ZNF326: variants seen among roughly 807,000 people sequenced by gnomAD.
The protein encoded by ZNF326 is zinc finger protein 326, also known as DBIRD complex subunit ZNF326.
Under a neutral mutation model 63.1 loss-of-function variants are expected in ZNF326, and 30 were observed. The ratio of observed to expected loss-of-function variants is 0.48; its 90% CI spans 0.36 to 0.64. ZNF326 has a LOEUF of 0.64. Ranked by LOEUF, ZNF326 falls within the 30% of genes least tolerant of loss-of-function variation. ZNF326 has a pLI of 0.00. For missense variants in ZNF326, 609 were observed against 720.3 expected, an observed-to-expected ratio of 0.85 and a Z score of 1.77; for synonymous variants, 194 against 228.2, an observed-to-expected ratio of 0.85 and a Z score of 1.35.
At position 90,033,450 on chromosome 1, in the gene ZNF326, T is replaced by C. The variant is rs944826705; in HGVS notation, c.*5749T>C. The C allele has an allele frequency of 7.2e-5, 11 of 152,340 alleles. No homozygotes were observed. Among genetic ancestry groups the C allele is most frequent in the African/African-American group, 2.6e-4 (11 of 41,588 alleles). The allele number at this position is 152,340 out of a possible 1,614,324, so 9.4% of individuals were successfully genotyped here. A position where few individuals can be genotyped will look rare whatever the true frequency, so the allele number is the denominator to read the frequency against. On this transcript the variant is annotated 3_prime_UTR_variant, in exon 12 of 12. Transcript: ENST00000340281. Reference sequence around the variant, plus strand: ...TATTATATGGAATAATAATTACTACTACTTATAATAGTTTCATATGTAATC... The same window carrying C: ...TATTATATGGAATAATAATTACTACCACTTATAATAGTTTCATATGTAATC...
In ZNF326 at chr1:90,020,932, TC is replaced by T; in HGVS notation, c.1305+11del. 6.2e-7 allele frequency: 1 copy of T among 1,610,974 alleles called. No individual in the cohort carries two copies. Among genetic ancestry groups the T allele is most frequent in the Non-Finnish European group, 8.5e-7 (1 of 1,178,616 alleles). Reference sequence around the variant, plus strand: ...TATCAAAGGGAAGCAGGTAAAATTTTCATCTGTCTTAATAAAGTTGCCAGAT... The same window carrying T: ...TATCAAAGGGAAGCAGGTAAAATTTTATCTGTCTTAATAAAGTTGCCAGAT... On this transcript the variant is annotated intron_variant, in intron 10 of 11. Coordinates refer to ENST00000340281, the MANE Select transcript of ZNF326 (RefSeq NM_182976.4).
intron 2 of ZNF326, 136 bp downstream of exon 2, chr1:89,998,290 A>G (rs1648502234): frequency 1.4e-6 from 1 of 718,444 alleles, no homozygotes; most frequent in Non-Finnish European, 2.2e-6. Context: ...CTTACTATAT[A>G]TAGTATTTGA....
In ZNF326 at chr1:89,996,739, G is replaced by GA. The variant is rs371387353; in HGVS notation, c.17-1359dup. 6.5e-3 allele frequency among the ~76,000 whole-genome samples: 806 copies of GA among 124,796 alleles called. 2 individuals carry two copies. Among genetic ancestry groups the GA allele is most frequent in the African/African-American group, 0.017 (560 of 33,840 alleles). The allele number at this position is 124,796 out of a possible 152,430, so 81.9% of individuals were successfully genotyped here. A position where few individuals can be genotyped will look rare whatever the true frequency, so the allele number is the denominator to read the frequency against. ...GGGCAACAAGAGCCAAACTTCGTCT[G>GA]AAAAAAAAAAAACAAAAAACCAACA... On this transcript the variant is annotated intron_variant, in intron 1 of 11. Transcript: ENST00000340281.
At chr1:89,995,469 C>T (rs1367195167) in intron 1 of ZNF326, among the ~76,000 whole-genome samples, 196 bp downstream of exon 1, 1 of 152,250 alleles carries the variant, frequency 6.6e-6, no homozygotes, top group East Asian at 1.9e-4. Context: ...GCTCGGCGCC[C>T]GCTGCCGGCG....
chr1:89,997,464 CCTGGATTCA>C (rs1287084961), intron 1 of ZNF326, among the ~76,000 whole-genome samples: 5 of 152,008 alleles, frequency 3.3e-5, no homozygotes, highest in Admixed American at 1.3e-4. Context: ...GCCTCTGCCT[CCTGGATTCA>C]AGTGATTCTT....
intron 1 of ZNF326, among the ~76,000 whole-genome samples, chr1:89,995,698 C>T (rs1264607791): frequency 6.6e-6 from 1 of 152,236 alleles, no homozygotes. Flanking sequence ...TCCTCAGCCT[C>T]GGGTTACTTC....
chr1:89,998,123 C>A lies in ZNF326; in HGVS notation c.30C>A (p.Ser10=). Residue 10 remains serine (S), a synonymous_variant, in exon 2 of 12, where the codon TCC becomes TCA. Coordinates refer to ENST00000340281, the MANE Select transcript of ZNF326 (RefSeq NM_182976.4). The part of the protein sequence containing the change: MDFEDDYTH[S]ACRNTYQGFN... ...GTGTCTTCATAGATTACACACACTCCGCCTGCAGGAATACTTATCAGGGCT... is the reference window on the plus strand; with the variant it reads ...GTGTCTTCATAGATTACACACACTCAGCCTGCAGGAATACTTATCAGGGCT... 1.2e-6 allele frequency: 2 copies of A among 1,612,914 alleles called. 1 individual carries two copies. The highest frequency in any genetic ancestry group is 2.2e-5 in the South Asian group (2 of 90,940).
intron 11 of ZNF326, among the ~76,000 whole-genome samples, chr1:90,026,104 C>T (rs1234766976): frequency 2.0e-5 from 3 of 152,078 alleles, no homozygotes; most frequent in Non-Finnish European, 4.4e-5. Flanking sequence ...GCTGGGACTA[C>T]AGGTGCCTGC....
At chr1:90,004,560 T>C (rs972384079) in intron 2 of ZNF326, among the ~76,000 whole-genome samples, 2 of 152,072 alleles carry the variant, frequency 1.3e-5, no homozygotes, top group Admixed American at 1.3e-4. Context: ...AAATTGAAAA[T>C]AATTCTGTGG....
At chr1:90,024,448 T>C (rs928756730) in intron 11 of ZNF326, among the ~76,000 whole-genome samples, 9 of 152,292 alleles carry the variant, frequency 5.9e-5, no homozygotes, top group African/African-American at 2.2e-4. Context: ...CTAAAAAATG[T>C]GGAATTGTGC....
rs761314848 is a variant in ZNF326 at position 89,998,120 on chromosome 1, C to T, written c.27C>T (p.His9=). The T allele has an allele frequency of 1.2e-4, 197 of 1,613,052 alleles. No homozygotes were observed. Among genetic ancestry groups the T allele is most frequent in the Non-Finnish European group, 1.6e-4 (191 of 1,179,812 alleles). Residue 9 remains histidine (H), a synonymous_variant, in exon 2 of 12, where the codon CAC becomes CAT. Coordinates refer to ENST00000340281, the MANE Select transcript of ZNF326 (RefSeq NM_182976.4). The part of the protein sequence containing the change: MDFEDDYT[H]SACRNTYQGF... ...AATGTGTCTTCATAGATTACACACA[C>T]TCCGCCTGCAGGAATACTTATCAGG...
At position 90,007,519 on chromosome 1, in the gene ZNF326, C is replaced by T. The variant is rs774502395; in HGVS notation, c.384C>T (p.Gly128=). Residue 128 remains glycine, a synonymous_variant, in exon 5 of 12, where the codon GGC becomes GGT. Transcript: ENST00000340281. This position sits in a 1 kb window ranked among gnomAD's most constrained non-coding sequence, Gnocchi z 4.9. ...SLDSFGGRNQ[G]GSSWEAPYSR... is the part of the protein sequence containing the mutation. ...ACTCTTTCGGAGGTAGAAACCAGGG[C>T]GGGTCTAGCTGGGAAGCACCTTACT... 4.3e-6 allele frequency: 7 copies of T among 1,613,948 alleles called. No homozygotes were observed. Among genetic ancestry groups the T allele is most frequent in the South Asian group, 3.3e-5 (3 of 91,054 alleles).
intron 11 of ZNF326, among the ~76,000 whole-genome samples, chr1:90,023,212 G>A (rs1437104327): frequency 6.6e-6 from 1 of 152,150 alleles, no homozygotes; most frequent in Non-Finnish European, 1.5e-5. Context: ...ACCCAGACTG[G>A]TCTGATAGAA....
rs978278006 is a variant in ZNF326 at position 90,028,645 on chromosome 1, T to TA, written c.*950dup. The TA allele has an allele frequency of 8.5e-5, 13 of 152,156 alleles. No individual in the cohort carries two copies. The highest frequency in any genetic ancestry group is 1.6e-4 in the Non-Finnish European group (11 of 68,018). 9.4% of individuals were successfully genotyped at this position (152,156 alleles called of 1,614,324 possible). A position where few individuals can be genotyped will look rare whatever the true frequency, so the allele number is the denominator to read the frequency against. ...CTCTTTCAAATATTTCTATCCTTTTTAAAAAATTCCTTTTTATGGCTTATA... is the reference window on the plus strand; with the variant it reads ...CTCTTTCAAATATTTCTATCCTTTTTAAAAAAATTCCTTTTTATGGCTTATA... On this transcript the variant is annotated 3_prime_UTR_variant, in exon 12 of 12. Transcript: ENST00000340281.
intron 3 of ZNF326, 29 bp from the exon 4 acceptor site, chr1:90,005,104 A>G: frequency 1.9e-6 from 3 of 1,613,940 alleles, no homozygotes; most frequent in South Asian, 2.2e-5. Flanking sequence ...TGAGCATCAT[A>G]TAACTTTTTT....
At chr1:89,995,868 A>G (rs978856400) in intron 1 of ZNF326, among the ~76,000 whole-genome samples, 3 of 152,224 alleles carry the variant, frequency 2.0e-5, no homozygotes, top group Non-Finnish European at 4.4e-5. Context: ...GGTGTTTATC[A>G]CCAAAAATTA....
In ZNF326 at chr1:89,995,380, GC is replaced by G. The variant is rs1489235692; in HGVS notation, c.16+110del. On this transcript the variant is annotated intron_variant, in intron 1 of 11. Coordinates refer to ENST00000340281, the MANE Select transcript of ZNF326 (RefSeq NM_182976.4). ...TGGCCGTGTGGGCTTTGTTCTGCGGGCCCGGAGGCCGCCCGCCCGCCCCGGG... is the reference window on the plus strand; with the variant it reads ...TGGCCGTGTGGGCTTTGTTCTGCGGGCCGGAGGCCGCCCGCCCGCCCCGGG... 7 of 1,377,110 alleles carry G rather than the reference GC, an allele frequency of 5.1e-6. No homozygotes were observed. In the East Asian group the frequency reaches 2.1e-4, roughly 42 times the overall value. 85.3% of individuals were successfully genotyped at this position (1,377,110 alleles called of 1,614,324 possible).
chr1:90,026,799 AT>A (rs1252351017), intron 11 of ZNF326, among the ~76,000 whole-genome samples: 1 of 152,218 alleles, frequency 6.6e-6, no homozygotes, highest in African/African-American at 2.4e-5. Flanking sequence ...GGTCAAATTT[AT>A]ATGAGATTTG....
At chr1:89,998,204 T>C (rs1648496828) in intron 2 of ZNF326, 50 bp downstream of exon 2, 2 of 1,587,852 alleles carry the variant, frequency 1.3e-6, no homozygotes, top group Non-Finnish European at 1.7e-6. Flanking sequence ...AAATATAGTA[T>C]CAATGTAAAA....
Sources: allele counts gnomAD v4.1 joint callset (sites outside exome capture counted in the v4.1 genomes callset), GRCh38; gene constraint gnomAD v4.1.1; non-coding constraint Gnocchi (gnomAD v3.1); transcripts MANE v1.5; gene names NCBI Gene and HGNC (gene_info 2026-07-23, HGNC 2026-07-21).